ARHGEF10L: variants seen among roughly 807,000 people sequenced by gnomAD.
The protein encoded by ARHGEF10L is Rho guanine nucleotide exchange factor 10 like.
In ARHGEF10L, 69 loss-of-function variants were observed where a neutral mutation model predicts 141.2. The observed-to-expected ratio is 0.49, with a 90% CI of 0.40 to 0.60. The LOEUF is 0.60. Ranked by LOEUF, ARHGEF10L falls within the 20% of genes least tolerant of loss-of-function variation. The pLI, the probability that ARHGEF10L is intolerant of heterozygous loss-of-function variation, is 0.00. For synonymous variants in ARHGEF10L, 711 were observed against 718.5 expected, an observed-to-expected ratio of 0.99 and a Z score of 0.17; for missense variants, 1,482 against 1,734.3, an observed-to-expected ratio of 0.85 and a Z score of 2.58.
At chr1:17,626,315 G>T (rs1366850648) in intron 14 of ARHGEF10L, among the ~76,000 whole-genome samples, 1 of 152,166 alleles carries the variant, frequency 6.6e-6, no homozygotes, top group Non-Finnish European at 1.5e-5. Context: ...TGAAGGCACA[G>T]GGAATCCCGG....
intron 27 of ARHGEF10L, chr1:17,694,649 G>A (rs557659668): frequency 3.1e-6 from 1 of 322,962 alleles, no homozygotes; most frequent in Non-Finnish European, 6.0e-6. Flanking sequence ...GCACCCACAC[G>A]GGCAGGCCCT....
chr1:17,612,503 C>T (rs1049735729), intron 7 of ARHGEF10L, among the ~76,000 whole-genome samples: 5 of 152,248 alleles, frequency 3.3e-5, no homozygotes, highest in Admixed American at 6.5e-5. Flanking sequence ...TGAGCCTGTT[C>T]GTCTACCCAT....
intron 6 of ARHGEF10L, among the ~76,000 whole-genome samples, chr1:17,605,255 C>T (rs2081063234): frequency 6.6e-6 from 1 of 152,166 alleles, no homozygotes; most frequent in Non-Finnish European, 1.5e-5. Flanking sequence ...GCCTTTGTGC[C>T]TTGGCTTCTT....
At chr1:17,629,603 G>A (rs78316328) in intron 15 of ARHGEF10L, among the ~76,000 whole-genome samples, 2,217 of 152,288 alleles carry the variant, frequency 0.015, 66 homozygotes, top group African/African-American at 0.05. Flanking sequence ...ATGGGGAGGG[G>A]ACAGCGCCCT....
intron 26 of ARHGEF10L, among the ~76,000 whole-genome samples, chr1:17,687,044 C>G (rs1312530579): frequency 1.3e-5 from 2 of 151,818 alleles, no homozygotes; most frequent in Admixed American, 6.6e-5. Context: ...CCTGTTGTCT[C>G]CTTGCTGTGA....
chr1:17,537,282 C>T (rs950758378), upstream of ARHGEF10L, among the ~76,000 whole-genome samples: 1 of 152,230 alleles, frequency 6.6e-6, no homozygotes, highest in Admixed American at 6.5e-5. Flanking sequence ...CAAAATGCTT[C>T]TGCAGACTCA....
At chr1:17,635,981 C>T (rs569241877) in intron 18 of ARHGEF10L, among the ~76,000 whole-genome samples, 136 of 152,258 alleles carry the variant, frequency 8.9e-4, no homozygotes, top group Non-Finnish European at 1.1e-3. Context: ...CTACTCTTGC[C>T]GTCTGGGTGC....
At chr1:17,516,793 C>G in the ARHGEF10L span, among the ~76,000 whole-genome samples, 1 of 152,188 alleles carries the variant, frequency 6.6e-6, no homozygotes, top group African/African-American at 2.4e-5. Context: ...TCCCCGCCAA[C>G]GAAGAGGTCT....
chr1:17,626,330 C>T (rs1279508596), intron 14 of ARHGEF10L, among the ~76,000 whole-genome samples: 1 of 152,114 alleles, frequency 6.6e-6, no homozygotes. Flanking sequence ...TCCCGGGACC[C>T]GCAGGGCTCC....
chr1:17,647,793 G>A (rs146644836), intron 21 of ARHGEF10L, among the ~76,000 whole-genome samples: 42 of 152,268 alleles, frequency 2.8e-4, no homozygotes, highest in African/African-American at 7.5e-4. Context: ...AGGACTTCTC[G>A]GAGGAGGGGA....
At position 17,624,508 on chromosome 1, in the gene ARHGEF10L, G is replaced by A; in HGVS notation, c.1317+5G>A. 5 of 1,611,702 alleles carry A rather than the reference G, an allele frequency of 3.1e-6. No individual in the cohort carries two copies. Among genetic ancestry groups the A allele is most frequent in the Non-Finnish European group, 4.2e-6 (5 of 1,177,850 alleles). ...GCCTTCCTCGAGTTCCTCAAGGTGG[G>A]CCTCCATGGTGGTACCGTGCCTGGT... On this transcript the variant is annotated splice_donor_5th_base_variant and intron_variant, in intron 13 of 28. Transcript: ENST00000361221.
intron 1 of ARHGEF10L, among the ~76,000 whole-genome samples, chr1:17,568,485 A>G (rs2077854276): frequency 6.6e-6 from 1 of 152,154 alleles, no homozygotes; most frequent in Admixed American, 6.5e-5. Context: ...AAAAAGGGGA[A>G]CCTGGGGGGC....
intron 23 of ARHGEF10L, among the ~76,000 whole-genome samples, chr1:17,655,481 A>T (rs1331169696): frequency 8.6e-6 from 1 of 116,096 alleles, no homozygotes; most frequent in Admixed American, 9.3e-5. Context: ...CCATCCATCT[A>T]TCCATCCATC....
At chr1:17,614,900 T>C (rs1160310121) in intron 8 of ARHGEF10L, among the ~76,000 whole-genome samples, 1 of 152,060 alleles carries the variant, frequency 6.6e-6, no homozygotes, top group Non-Finnish European at 1.5e-5. Flanking sequence ...AGTGCTTGGA[T>C]ACTTAAGTGG....
chr1:17,661,716 T>G (rs2062637172), intron 25 of ARHGEF10L, among the ~76,000 whole-genome samples: 1 of 152,176 alleles, frequency 6.6e-6, no homozygotes, highest in African/African-American at 2.4e-5. Context: ...CTAATTAGAC[T>G]CCAGCTTCCA....
chr1:17,640,243 C>A lies in ARHGEF10L; in HGVS notation c.2213C>A (p.Pro738His). The part of the protein sequence containing the change: ...PISFMVVFIT[P>H]NPLSKISWVN... ...AGCTTCATGGTGGTTTTCATCACCC[C>A]CAACCCCCTGAGCAAGATTTCCTGG... The change falls in exon 21 of 29, where the codon CCC becomes CAC. Residue 738 changes from proline to histidine, a missense_variant. Transcript: ENST00000361221. The A allele has an allele frequency of 6.2e-7, 1 of 1,613,340 alleles. No individual in the cohort carries two copies. Among genetic ancestry groups the A allele is most frequent in the Non-Finnish European group, 8.5e-7 (1 of 1,179,764 alleles).
chr1:17,645,925 G>A (rs981011430), intron 21 of ARHGEF10L, among the ~76,000 whole-genome samples: 1 of 152,216 alleles, frequency 6.6e-6, no homozygotes. Flanking sequence ...ATGGCAACGC[G>A]CGTGCCCTGT....
At position 17,621,789 on chromosome 1, in the gene ARHGEF10L, C is replaced by T; in HGVS notation, c.943-75C>T. Reference sequence around the variant, plus strand: ...ATGGGTTTCTCTGTCCTATAGTTGTCAGCTCCCCTTCCTGTCACTTGGGCC... The same window carrying T: ...ATGGGTTTCTCTGTCCTATAGTTGTTAGCTCCCCTTCCTGTCACTTGGGCC... On this transcript the variant is annotated intron_variant, in intron 10 of 28. Coordinates refer to ENST00000361221, the MANE Select transcript of ARHGEF10L (RefSeq NM_018125.4). This position sits in a 1 kb window ranked among gnomAD's most constrained non-coding sequence, Gnocchi z 4.1. 1 of 1,386,160 alleles carries T rather than the reference C, an allele frequency of 7.2e-7. No individual in the cohort carries two copies. The highest frequency in any genetic ancestry group is 1.0e-6 in the Non-Finnish European group (1 of 974,160). 85.9% of individuals were successfully genotyped at this position (1,386,160 alleles called of 1,614,324 possible).
At position 17,633,039 on chromosome 1, in the gene ARHGEF10L, C is replaced by T. The variant is rs3766303; in HGVS notation, c.1730+573C>T. Among the ~76,000 whole-genome samples the T allele has an allele frequency of 3.5e-3, 537 of 152,308 alleles. 7 individuals carry two copies. The highest frequency in any genetic ancestry group is 0.022 in the South Asian group (107 of 4,822). On this transcript the variant is annotated intron_variant, in intron 16 of 28. Coordinates refer to ENST00000361221, the MANE Select transcript of ARHGEF10L (RefSeq NM_018125.4). ...TTAGGCCAGAGCCTGAAGATGTGGC[C>T]CATCAGTTGCTTTAGGCTCCTGGGT...
Sources: gnomAD v4.1 joint callset for allele counts (sites outside exome capture counted in the v4.1 genomes callset) on GRCh38, gnomAD v4.1.1 for gene constraint, Gnocchi (gnomAD v3.1) non-coding constraint, MANE v1.5 for transcripts, NCBI Gene and HGNC (gene_info 2026-07-23, HGNC 2026-07-21) for gene names.